Variants in TMEM98 observed in about 807,000 individuals in gnomAD.
The protein encoded by TMEM98 is transmembrane protein 98.
TMEM98 carries 18 observed loss-of-function variants against 25.0 expected under a neutral mutation model. The observed-to-expected ratio is 0.72, with a 90% CI of 0.50 to 1.07. The LOEUF (loss-of-function observed/expected upper bound fraction) is 1.07. TMEM98 is among the 50% of genes least tolerant of loss of function. The probability of loss-of-function intolerance (pLI) is 0.00; values close to 1 mark genes in which losing one functional copy is unlikely to be tolerated. For synonymous variants in TMEM98, 103 were observed against 112.4 expected (o/e 0.92, Z 0.53); for missense variants, 241 against 289.0 (o/e 0.83, Z 1.20).
At chr17:32,929,406 C>T (rs921967402) in intron 1 of TMEM98, among the ~76,000 whole-genome samples, 1 of 151,894 alleles carries the variant, frequency 6.6e-6, no homozygotes, top group Non-Finnish European at 1.5e-5. Context: ...GCCTGGGGAC[C>T]GGGGGAGGGG....
chr17:32,940,985 G>A lies in TMEM98; in HGVS notation c.673G>A (p.Ala225Thr). The change falls in exon 8 of 8, where the codon GCA becomes ACA. Residue 225 changes from alanine (A) to threonine (T), a missense_variant. Physicochemically the swap from Ala to Thr is moderately conservative, Grantham distance 58. Transcript: ENST00000579849. ...TGAAGGCTTCCTGCAGGAGCAGTCTGCAATTTAGTGCCTACAGGCCAGCAG... is the reference window on the plus strand; with the variant it reads ...TGAAGGCTTCCTGCAGGAGCAGTCTACAATTTAGTGCCTACAGGCCAGCAG... ...GPEGFLQEQS[A>T]I The A allele has an allele frequency of 6.2e-7, 1 of 1,605,530 alleles. No homozygotes were observed. The highest frequency in any genetic ancestry group is 8.5e-7 in the Non-Finnish European group (1 of 1,176,136).
At chr17:32,929,773 A>T (rs965349598) in intron 1 of TMEM98, among the ~76,000 whole-genome samples, 1 of 152,182 alleles carries the variant, frequency 6.6e-6, no homozygotes, top group African/African-American at 2.4e-5. Flanking sequence ...TCTACCTGGC[A>T]AACTCCTGCT....
At position 32,933,244 on chromosome 17, in the gene TMEM98, G is replaced by A. The variant is rs200601196; in HGVS notation, c.202G>A (p.Val68Ile). 1.1e-5 allele frequency: 18 copies of A among 1,614,140 alleles called. No individual in the cohort carries two copies. Among genetic ancestry groups the A allele is most frequent in the South Asian group, 4.4e-5 (4 of 91,072 alleles). ...EPSELELDDV[V>I]ITNPHIEAIL... is the part of the protein sequence containing the mutation. The stretch of plus-strand genomic sequence containing the variant: ...CTCTGAGTTAGAACTGGACGATGTC[G>A]TTATCACCAACCCCCACATTGAGGC... The change falls in exon 4 of 8, where the codon GTT (valine) becomes ATT (isoleucine). Residue 68 changes from valine to isoleucine, a missense_variant. Transcript: ENST00000579849.
intron 7 of TMEM98, among the ~76,000 whole-genome samples, chr17:32,940,274 A>G (rs978023892): frequency 2.0e-5 from 3 of 151,044 alleles, no homozygotes; most frequent in African/African-American, 7.3e-5. Context: ...TGAAAAATCT[A>G]CTCCTCACTT....
intron 1 of TMEM98, among the ~76,000 whole-genome samples, chr17:32,930,146 G>C (rs75564104): frequency 6.6e-6 from 1 of 151,852 alleles, no homozygotes; most frequent in Non-Finnish European, 1.5e-5. Flanking sequence ...TTTTTTTCAC[G>C]TGGGGAAATT....
chr17:32,939,197 AG>A (rs2091513774), intron 6 of TMEM98, among the ~76,000 whole-genome samples: 1 of 152,126 alleles, frequency 6.6e-6, no homozygotes, highest in Non-Finnish European at 1.5e-5. Context: ...ACCTGAGGTC[AG>A]GAGTTCAAGG....
chr17:32,940,885 G>A lies in TMEM98; in HGVS notation c.573G>A (p.Ser191=), dbSNP rs774254636. 2.5e-6 allele frequency: 4 copies of A among 1,613,964 alleles called. No individual in the cohort carries two copies. Among genetic ancestry groups the A allele is most frequent in the South Asian group, 2.2e-5 (2 of 91,078 alleles). Residue 191 remains serine (S), a synonymous_variant, in exon 8 of 8, where the codon TCG becomes TCA. Coordinates refer to ENST00000579849, the MANE Select transcript of TMEM98 (RefSeq NM_015544.3). The part of the protein sequence containing the change: ...GGLDWIDQSL[S]AAEEHLEVLR... ...TGGACTGGATTGACCAGTCTCTGTC[G>A]GCTGCTGAGGAGCATTTGGAAGTCC...
rs780563495 is a variant in TMEM98, at chr17:32,943,831, C to T, written c.*2838C>T. ...TCCACAGCTTCCCATTCTCTGATGC[C>T]GCTGACCCAGATGGCGTCACCTCAG... On this transcript the variant is annotated 3_prime_UTR_variant, in exon 8 of 8. Coordinates refer to ENST00000579849, the MANE Select transcript of TMEM98 (RefSeq NM_015544.3). The T allele has an allele frequency of 3.9e-5, 6 of 152,180 alleles. No homozygotes were observed. The highest frequency in any genetic ancestry group is 2.1e-4 in the South Asian group (1 of 4,830). 9.4% of individuals were successfully genotyped at this position (152,180 alleles called of 1,614,324 possible).
At chr17:32,934,472 T>A (rs9915765) in intron 5 of TMEM98, 148 bp downstream of exon 5, 3 of 789,440 alleles carry the variant, frequency 3.8e-6, no homozygotes, top group Non-Finnish European at 6.2e-6. Context: ...TGTGGTTTAC[T>A]TCCCCCCCTG....
chr17:32,934,505 T>C (rs1444660911), intron 5 of TMEM98, 181 bp downstream of exon 5: 1 of 637,938 alleles, frequency 1.6e-6, no homozygotes, highest in Middle Eastern at 2.7e-4. Flanking sequence ...GTTCACAGAA[T>C]CTCAAGGCTG....
rs900964946 is a variant in TMEM98, at chr17:32,943,787, CA to C, written c.*2796del. The C allele has an allele frequency of 2.2e-4, 33 of 152,188 alleles. No individual in the cohort carries two copies. Among genetic ancestry groups the C allele is most frequent in the African/African-American group, 8.0e-4 (33 of 41,436 alleles). 9.4% of individuals were successfully genotyped at this position (152,188 alleles called of 1,614,324 possible). ...AATTGTGGGCCTGGTTCTGATTAGCCAATGTTAACACCCTTCTCTCCACAGC... is the reference window on the plus strand; with the variant it reads ...AATTGTGGGCCTGGTTCTGATTAGCCATGTTAACACCCTTCTCTCCACAGC... On this transcript the variant is annotated 3_prime_UTR_variant, in exon 8 of 8. Transcript: ENST00000579849.
rs2091533846 is a variant in TMEM98, at chr17:32,942,054, A to G, written c.*1061A>G. 6.6e-6 allele frequency: 1 copy of G among 152,198 alleles called. No homozygotes were observed. The highest frequency in any genetic ancestry group is 1.5e-5 in the Non-Finnish European group (1 of 68,042). 9.4% of individuals were successfully genotyped at this position (152,198 alleles called of 1,614,324 possible). A position where few individuals can be genotyped will look rare whatever the true frequency, so the allele number is the denominator to read the frequency against. ...GAGACCATGTCTCCAAAACATACAT[A>G]TATATAAAATATATTTAAAGACCTC... On this transcript the variant is annotated 3_prime_UTR_variant, in exon 8 of 8. Coordinates refer to ENST00000579849, the MANE Select transcript of TMEM98 (RefSeq NM_015544.3).
At position 32,944,140 on chromosome 17, in the gene TMEM98, TC is replaced by T. The variant is rs1292413664; in HGVS notation, c.*3149del. ...TGGTGCTCCCCCTGACCTGCCTCATTCCAGGAGTTCCCTCTCCAGAGACCCT... is the reference window on the plus strand; with the variant it reads ...TGGTGCTCCCCCTGACCTGCCTCATTCAGGAGTTCCCTCTCCAGAGACCCT... On this transcript the variant is annotated 3_prime_UTR_variant, in exon 8 of 8. Coordinates refer to ENST00000579849, the MANE Select transcript of TMEM98 (RefSeq NM_015544.3). 6.6e-6 allele frequency: 1 copy of T among 151,518 alleles called. No homozygotes were observed. The highest frequency in any genetic ancestry group is 2.4e-5 in the African/African-American group (1 of 41,208). 9.4% of individuals were successfully genotyped at this position (151,518 alleles called of 1,614,324 possible).
In TMEM98 at chr17:32,939,550, T is replaced by TG. The variant is rs770044643; in HGVS notation, c.473+17dup. The stretch of plus-strand genomic sequence containing the variant: ...CCTGGACGCACGGTGAGACCAGGGG[T>TG]GGGTGCATGTTCGGTTTTTCATGCA... On this transcript the variant is annotated intron_variant, in intron 7 of 7. Coordinates refer to ENST00000579849, the MANE Select transcript of TMEM98 (RefSeq NM_015544.3). 4.3e-6 allele frequency: 7 copies of TG among 1,613,604 alleles called. No individual in the cohort carries two copies. Among genetic ancestry groups the TG allele is most frequent in the Admixed American group, 1.7e-5 (1 of 59,990 alleles).
rs367859717 is a variant in TMEM98 at position 32,931,721 on chromosome 17, A to G, written c.131+62A>G. 13 of 1,556,724 alleles carry G rather than the reference A, an allele frequency of 8.4e-6. 1 individual carries two copies. The highest frequency in any genetic ancestry group is 4.0e-5 in the African/African-American group (3 of 74,360). On this transcript the variant is annotated intron_variant, in intron 3 of 7. Coordinates refer to ENST00000579849, the MANE Select transcript of TMEM98 (RefSeq NM_015544.3). ...GCTCTAACTAAAGAAAAAGAGAGGA[A>G]CACGTAGTTCAGTGTTGGGCAACTC...
intron 1 of TMEM98, among the ~76,000 whole-genome samples, chr17:32,928,448 G>T (rs1355898097): frequency 6.7e-6 from 1 of 148,168 alleles, no homozygotes; most frequent in Non-Finnish European, 1.5e-5. Context: ...GGCGGGCTGG[G>T]GGTCCCTCCC....
chr17:32,934,501 A>G lies in TMEM98; in HGVS notation c.297+177A>G, dbSNP rs2091485996. On this transcript the variant is annotated intron_variant, in intron 5 of 7. Coordinates refer to ENST00000579849, the MANE Select transcript of TMEM98 (RefSeq NM_015544.3). ...CCCCCTGCCTGGACTGGCTGTTCAC[A>G]GAATCTCAAGGCTGTTTCAAAGGCT... 9.3e-6 allele frequency: 6 copies of G among 645,034 alleles called. No individual in the cohort carries two copies. In the South Asian group the frequency reaches 1.2e-4, roughly 12 times the overall value. The allele number at this position is 645,034 out of a possible 1,614,324, so 40.0% of individuals were successfully genotyped here.
rs1324918220 is a variant in TMEM98, at chr17:32,942,129, T to G, written c.*1136T>G. The G allele has an allele frequency of 6.6e-6, 1 of 152,206 alleles. No individual in the cohort carries two copies. The highest frequency in any genetic ancestry group is 1.5e-5 in the Non-Finnish European group (1 of 68,046). The allele number at this position is 152,206 out of a possible 1,614,324, so 9.4% of individuals were successfully genotyped here. A position where few individuals can be genotyped will look rare whatever the true frequency, so the allele number is the denominator to read the frequency against. On this transcript the variant is annotated 3_prime_UTR_variant, in exon 8 of 8. Transcript: ENST00000579849. The stretch of plus-strand genomic sequence containing the variant: ...TAGCACTATGAAGTAGTTTCCACAT[T>G]AACAATAGCAATGACTTGAACGATG...
intron 5 of TMEM98, among the ~76,000 whole-genome samples, chr17:32,935,747 G>A (rs1567697842): frequency 6.6e-6 from 1 of 152,162 alleles, no homozygotes; most frequent in Non-Finnish European, 1.5e-5. Context: ...AGCAAGCTCT[G>A]GGGTGGCCAG....
Sources: allele counts gnomAD v4.1 joint callset (sites outside exome capture counted in the v4.1 genomes callset), GRCh38; gene constraint gnomAD v4.1.1; transcripts MANE v1.5; gene names NCBI Gene and HGNC (gene_info 2026-07-23, HGNC 2026-07-21).